USP50: variants seen among roughly 807,000 people sequenced by gnomAD.
USP50 encodes the protein ubiquitin carboxyl-terminal hydrolase 50.
Under a neutral mutation model 39.2 loss-of-function variants are expected in USP50, and 37 were observed. The observed-to-expected ratio is 0.94, with a 90% confidence interval of 0.73 to 1.24. USP50 has a LOEUF of 1.24. Among genes scored for constraint, USP50 ranks in the 50% most tolerant of loss-of-function variants. The probability of loss-of-function intolerance (pLI) is 0.00; values close to 1 mark genes in which losing one functional copy is unlikely to be tolerated. For missense variants in USP50, 374 were observed against 398.2 expected (o/e 0.94, Z 0.52); for synonymous variants, 139 against 144.5 (o/e 0.96, Z 0.27).
chr15:50,543,651 C>A lies in USP50; in HGVS notation c.391G>T (p.Ala131Ser), dbSNP rs376380320. 6.2e-7 allele frequency: 1 copy of A among 1,613,600 alleles called. No individual in the cohort carries two copies. Among genetic ancestry groups the A allele is most frequent in the African/African-American group, 1.3e-5 (1 of 74,920 alleles). Residue 131 changes from alanine to serine, a missense_variant, in exon 3 of 7, where the codon GCT becomes TCT. Coordinates refer to ENST00000532404, the MANE Select transcript of USP50 (RefSeq NM_203494.5). ...AGGACACAAATCAAGAATTCCTGAG[C>A]ATCTTGTTGCATCTTTTTCGTAAAT... ...PAFTKKMQQDAQEFLICVLNE... is the reference protein window; with the variant it reads ...PAFTKKMQQDSQEFLICVLNE...
chr15:50,541,039 G>A lies in USP50; in HGVS notation c.660+10C>T, dbSNP rs539974723. ...GCGAGACAAAGTGTCCAGGAATACT[G>A]CATTCCTACCCGAAGGGAGCATTCA... is the stretch of plus-strand genomic sequence containing the variant. On this transcript the variant is annotated intron_variant, in intron 4 of 6. Coordinates refer to ENST00000532404, the MANE Select transcript of USP50 (RefSeq NM_203494.5). The A allele has an allele frequency of 1.4e-5, 22 of 1,605,360 alleles. No individual in the cohort carries two copies. The African/African-American group carries it at 1.7e-4, about 13-fold the overall frequency.
intron 6 of USP50, among the ~76,000 whole-genome samples, chr15:50,524,699 G>T (rs909869169): frequency 1.3e-5 from 2 of 152,162 alleles, no homozygotes; most frequent in African/African-American, 4.8e-5. Context: ...TATGGAAAAT[G>T]GTATAAAGAT....
At position 50,541,254 on chromosome 15, in the gene USP50, G is replaced by A. The variant is rs768871292; in HGVS notation, c.455C>T (p.Ser152Phe). 1 of 1,613,404 alleles carries A rather than the reference G, an allele frequency of 6.2e-7. No individual in the cohort carries two copies. Among genetic ancestry groups the A allele is most frequent in the East Asian group, 2.2e-5 (1 of 44,884 alleles). Residue 152 changes from serine (S) to phenylalanine (F), a missense_variant, in exon 4 of 7, where the codon TCC (serine) becomes TTC (phenylalanine). By Grantham distance (155) the Ser-to-Phe change is radical (BLOSUM62 -2). Coordinates refer to ENST00000532404, the MANE Select transcript of USP50 (RefSeq NM_203494.5). ...TCCTTTCTCATATGATCTTCTCCGGGAGTAGTGGTACTGAATCAAGGAGCA... is the reference window on the plus strand; with the variant it reads ...TCCTTTCTCATATGATCTTCTCCGGAAGTAGTGGTACTGAATCAAGGAGCA... ...LHEALKKYHY[S>F]RRRSYEKGST...
downstream of USP50, chr15:50,497,430 A>C: frequency 2.2e-6 from 1 of 448,484 alleles, no homozygotes; most frequent in Non-Finnish European, 3.7e-6. Flanking sequence ...GCAAAATGAC[A>C]ATACCACTAT....
At chr15:50,498,452 A>T (rs994033118), downstream of USP50, 2 of 1,085,804 alleles carry the variant, frequency 1.8e-6, no homozygotes, top group East Asian at 5.3e-5. Context: ...AAATGTCTTT[A>T]ACAGGTTCCT....
At chr15:50,511,236 C>G (rs1390823615) in intron 6 of USP50, 2 of 152,162 alleles carry the variant, frequency 1.3e-5, no homozygotes, top group East Asian at 3.8e-4. Context: ...TTCATACCTA[C>G]TTTGTATGGG....
intron 5 of USP50, among the ~76,000 whole-genome samples, chr15:50,532,964 A>C (rs2052952419): frequency 1.3e-5 from 2 of 152,194 alleles, no homozygotes; most frequent in African/African-American, 4.8e-5. Context: ...AGAATCTCTG[A>C]GCTTGAGGAA....
downstream of USP50, chr15:50,496,033 C>T (rs768979069): frequency 1.2e-6 from 2 of 1,613,798 alleles, no homozygotes; most frequent in South Asian, 2.2e-5. Flanking sequence ...CATTTGAGGC[C>T]TTCATGTATT....
chr15:50,524,691 T>C (rs1229379156), intron 6 of USP50, among the ~76,000 whole-genome samples: 2 of 152,212 alleles, frequency 1.3e-5, no homozygotes, highest in Non-Finnish European at 2.9e-5. Flanking sequence ...ACTGTCATTA[T>C]GGAAAATGGT....
At chr15:50,510,648 T>TA (rs1378854988) in intron 6 of USP50, 1 of 152,184 alleles carries the variant, frequency 6.6e-6, no homozygotes, top group Non-Finnish European at 1.5e-5. Context: ...AGCAAAAAGT[T>TA]AGATATACGT....
chr15:50,523,901 T>C (rs1181837512), intron 6 of USP50, among the ~76,000 whole-genome samples: 2 of 152,226 alleles, frequency 1.3e-5, no homozygotes, highest in African/African-American at 4.8e-5. Context: ...AAAGCTATTA[T>C]AATCAAAACA....
At chr15:50,541,287 C>A in intron 3 of USP50, 23 bp from the exon 4 acceptor site, 1 of 1,586,608 alleles carries the variant, frequency 6.3e-7, no homozygotes, top group Non-Finnish European at 8.6e-7. Flanking sequence ...GCAAATTTCA[C>A]CCAAATTAAT....
chr15:50,501,302 G>GAA (rs59352489), intron 6 of USP50: 10 of 108,836 alleles, frequency 9.2e-5, no homozygotes, highest in Admixed American at 3.1e-4. Flanking sequence ...TCTTTTAAAG[G>GAA]AAAAAAAAAA....
chr15:50,525,764 A>G (rs1263041502), intron 6 of USP50, among the ~76,000 whole-genome samples: 3 of 146,642 alleles, frequency 2.0e-5, no homozygotes, highest in Non-Finnish European at 3.0e-5. Flanking sequence ...ATCACATTGC[A>G]CCCCATTAAT....
intron 6 of USP50, chr15:50,513,439 C>T (rs1596008116): frequency 6.6e-6 from 1 of 150,560 alleles, no homozygotes; most frequent in Non-Finnish European, 1.5e-5. Flanking sequence ...GTAGCTCACA[C>T]CTGTAATCCC....
At chr15:50,496,257 G>A (rs549703941), downstream of USP50, among the ~76,000 whole-genome samples, 28 of 152,100 alleles carry the variant, frequency 1.8e-4, no homozygotes, top group Admixed American at 3.3e-4. Flanking sequence ...CGAGGTGGGC[G>A]GATCACGAGG....
At chr15:50,517,930 C>CT (rs1276382975) in intron 6 of USP50, among the ~76,000 whole-genome samples, 4 of 152,176 alleles carry the variant, frequency 2.6e-5, no homozygotes, top group Non-Finnish European at 4.4e-5. Context: ...TGGCTGGTCT[C>CT]TAACTACTGG....
At chr15:50,505,793 TA>T in intron 6 of USP50, 1 of 152,016 alleles carries the variant, frequency 6.6e-6, no homozygotes, top group Non-Finnish European at 1.5e-5. Context: ...ACCTGGTCTC[TA>T]AAAAAAATAA....
chr15:50,512,915 C>T (rs559873715), intron 6 of USP50: 1 of 152,158 alleles, frequency 6.6e-6, no homozygotes, highest in South Asian at 2.1e-4. Flanking sequence ...AGATCATGTA[C>T]AACAAACCAA....
Sources: gnomAD v4.1 joint callset for allele counts (sites outside exome capture counted in the v4.1 genomes callset) on GRCh38, gnomAD v4.1.1 for gene constraint, MANE v1.5 for transcripts, NCBI Gene and HGNC (gene_info 2026-07-23, HGNC 2026-07-21) for gene names.